The following MICU1 variants were observed in gnomAD, a reference collection of about 807,000 sequenced individuals.
The protein encoded by MICU1 is mitochondrial calcium uptake 1.
In MICU1, 45 loss-of-function variants were observed where a neutral mutation model predicts 56.8. The ratio of observed to expected loss-of-function variants is 0.79; its 90% CI spans 0.62 to 1.02. The LOEUF (loss-of-function observed/expected upper bound fraction) is 1.02. Among genes scored for constraint, MICU1 ranks in the 50% least tolerant of loss-of-function variants. The pLI is 0.00. For synonymous variants in MICU1, 186 were observed against 195.1 expected (o/e 0.95, Z 0.39); for missense variants, 504 against 587.1 (o/e 0.86, Z 1.46).
chr10:72,590,957 G>A (rs559639658), intron 1 of MICU1, among the ~76,000 whole-genome samples: 1 of 151,246 alleles, frequency 6.6e-6, no homozygotes, highest in Non-Finnish European at 1.5e-5. Flanking sequence ...TCGAGGGTAC[G>A]TGGAACATTT....
chr10:72,526,012 CCAAA>C (rs1224666302), intron 5 of MICU1, among the ~76,000 whole-genome samples: 5 of 151,994 alleles, frequency 3.3e-5, no homozygotes, highest in Admixed American at 6.6e-5. Flanking sequence ...CACACAGCTG[CCAAA>C]CAGAGTACTG....
Position 72,533,773 on chromosome 10 carries a change from T to C in MICU1, c.510A>G (p.Gln170=), listed in dbSNP as rs1211612788. ...TTCCATCAAAGCGTTTTATTATATA[T>C]TGATCCAGACCCAAGTCTGTAAAAG... ...EKQPEHLGLD[Q]YIIKRFDGKK... The change falls in exon 5 of 12, where the codon CAA becomes CAG. Residue 170 remains glutamine, a synonymous_variant. Coordinates refer to ENST00000361114, the MANE Select transcript of MICU1 (RefSeq NM_001195518.2). The C allele has an allele frequency of 3.7e-6, 6 of 1,601,252 alleles. No individual in the cohort carries two copies. The highest frequency in any genetic ancestry group is 2.7e-5 in the African/African-American group (2 of 74,680).
intron 8 of MICU1, among the ~76,000 whole-genome samples, chr10:72,445,330 T>G (rs753556922): frequency 6.6e-5 from 10 of 152,164 alleles, no homozygotes; most frequent in Non-Finnish European, 1.2e-4. Context: ...TTTAGAAAAC[T>G]CTACTGTATC....
intron 3 of MICU1, among the ~76,000 whole-genome samples, chr10:72,556,704 A>G (rs553243757): frequency 5.2e-4 from 79 of 152,138 alleles, no homozygotes; most frequent in Middle Eastern, 3.4e-3. Flanking sequence ...ATATTTTTTC[A>G]TTTGCTGTAT....
chr10:72,616,799 T>C (rs1329442146), intron 1 of MICU1, among the ~76,000 whole-genome samples: 6 of 152,192 alleles, frequency 3.9e-5, no homozygotes, highest in Non-Finnish European at 8.8e-5. Context: ...GGATCCTCTG[T>C]AGTTCTCTGA....
rs1554865352 is a variant in MICU1 at position 72,421,016 on chromosome 10, A to AAAT, written c.1071+2215_1071+2217dup. ...AAACTCCGTCTCAAAAAAAAAAAAA[A>AAAT]AATAATAATAATAATAATAATAATA... On this transcript the variant is annotated intron_variant, in intron 9 of 11. Transcript: ENST00000361114. 7.7e-3 allele frequency among the ~76,000 whole-genome samples: 951 copies of AAAT among 123,852 alleles called. 9 individuals carry two copies. The highest frequency in any genetic ancestry group is 0.011 in the Non-Finnish European group (643 of 57,836). The allele number at this position is 123,852 out of a possible 152,430, so 81.3% of individuals were successfully genotyped here. A position where few individuals can be genotyped will look rare whatever the true frequency, so the allele number is the denominator to read the frequency against.
At chr10:72,440,142 T>G (rs1315007139) in intron 8 of MICU1, among the ~76,000 whole-genome samples, 1 of 152,098 alleles carries the variant, frequency 6.6e-6, no homozygotes, top group Non-Finnish European at 1.5e-5. Flanking sequence ...CTACCTGACT[T>G]CAAACTATAC....
At chr10:72,621,525 G>T (rs767321552) in intron 1 of MICU1, among the ~76,000 whole-genome samples, 2 of 151,704 alleles carry the variant, frequency 1.3e-5, no homozygotes, top group Non-Finnish European at 2.9e-5. Flanking sequence ...AAAATAAAGT[G>T]GTTTCTATAC....
At chr10:72,401,864 C>T (rs1276417529) in intron 10 of MICU1, among the ~76,000 whole-genome samples, 1 of 152,136 alleles carries the variant, frequency 6.6e-6, no homozygotes, top group Non-Finnish European at 1.5e-5. Context: ...AATAACTCCC[C>T]ATTTCCCTGC....
At chr10:72,494,641 C>T (rs1373327921) in intron 6 of MICU1, among the ~76,000 whole-genome samples, 1 of 150,966 alleles carries the variant, frequency 6.6e-6, no homozygotes, top group Non-Finnish European at 1.5e-5. Flanking sequence ...ATATGAAATA[C>T]TACATGTTAA....
In MICU1 at chr10:72,612,034, C is replaced by CA. The variant is rs758443745; in HGVS notation, c.-2+13975dup. Among the ~76,000 whole-genome samples the CA allele has an allele frequency of 6.5e-4, 91 of 138,974 alleles. 1 individual carries two copies. The East Asian group carries it at 0.017, about 27-fold the overall frequency. 91.2% of individuals were successfully genotyped at this position (138,974 alleles called of 152,430 possible). A position where few individuals can be genotyped will look rare whatever the true frequency, so the allele number is the denominator to read the frequency against. On this transcript the variant is annotated intron_variant, in intron 1 of 11. Coordinates refer to ENST00000361114, the MANE Select transcript of MICU1 (RefSeq NM_001195518.2). ...ACCAAAAAAAAAAAAAAAAAAATCA[C>CA]AAAGCTAGATAATAGTGAAATTGGA...
chr10:72,509,054 T>C (rs1417233438), intron 5 of MICU1, among the ~76,000 whole-genome samples: 2 of 152,316 alleles, frequency 1.3e-5, no homozygotes, highest in South Asian at 4.1e-4. Flanking sequence ...TCTTCCTGGG[T>C]GTTTAAACAA....
chr10:72,382,453 G>A (rs1862747884), intron 10 of MICU1, among the ~76,000 whole-genome samples: 1 of 152,164 alleles, frequency 6.6e-6, no homozygotes, highest in African/African-American at 2.4e-5. Flanking sequence ...AACTGCGCAT[G>A]TATGGTAGTG....
rs144151208 is a variant in MICU1 at position 72,497,402 on chromosome 10, C to T, written c.652+10753G>A. ...GTTGTTCCAGAAGCAGGTTAAGCAA[C>T]ACCATGATAAGACGTAAGCATAATC... On this transcript the variant is annotated intron_variant, in intron 6 of 11. Coordinates refer to ENST00000361114, the MANE Select transcript of MICU1 (RefSeq NM_001195518.2). Among the ~76,000 whole-genome samples, 48 of 152,212 alleles carry T rather than the reference C, an allele frequency of 3.2e-4. 1 individual carries two copies. Among genetic ancestry groups the T allele is most frequent in the African/African-American group, 1.1e-3 (46 of 41,548 alleles).
At chr10:72,386,665 TCCTCCTGCCTCCG>T (rs1862902534) in intron 10 of MICU1, among the ~76,000 whole-genome samples, 2 of 150,454 alleles carry the variant, frequency 1.3e-5, no homozygotes, top group South Asian at 2.1e-4. Flanking sequence ...GCTCAAGAGA[TCCTCCTGCCTCCG>T]CCTCCTAAGT....
intron 1 of MICU1, among the ~76,000 whole-genome samples, chr10:72,576,532 G>A (rs1012507847): frequency 6.6e-6 from 1 of 152,206 alleles, no homozygotes; most frequent in Non-Finnish European, 1.5e-5. Context: ...GCTGAGCAGT[G>A]AGGAAGCTGC....
intron 4 of MICU1, among the ~76,000 whole-genome samples, chr10:72,544,114 C>CCTGTT (rs71021505): frequency 0.59 from 88,370 of 150,712 alleles, 27,086 homozygotes; most frequent in Non-Finnish European, 0.67. Context: ...AAATCCCTGT[C>CCTGTT]CTGTTCTGTT....
intron 9 of MICU1, among the ~76,000 whole-genome samples, chr10:72,410,883 A>G (rs1206340156): frequency 6.6e-6 from 1 of 152,232 alleles, no homozygotes; most frequent in African/African-American, 2.4e-5. Flanking sequence ...AGGTTGTACA[A>G]TATCATTGCT....
At chr10:72,511,205 T>C (rs76859974) in intron 5 of MICU1, among the ~76,000 whole-genome samples, 5,439 of 152,270 alleles carry the variant, frequency 0.036, 309 homozygotes, top group African/African-American at 0.12. Flanking sequence ...CATAATGTTT[T>C]TTAGGTTCAC....
Sources: allele counts gnomAD v4.1 joint callset (sites outside exome capture counted in the v4.1 genomes callset), GRCh38; gene constraint gnomAD v4.1.1; transcripts MANE v1.5; gene names NCBI Gene and HGNC (gene_info 2026-07-23, HGNC 2026-07-21).